CCDC3: variants seen among roughly 807,000 people sequenced by gnomAD.
CCDC3 encodes coiled-coil domain containing 3, also known as coiled-coil domain-containing protein 3.
A neutral mutation model predicts 21.4 loss-of-function variants in CCDC3; 24 were observed. The observed-to-expected ratio is 1.12, with a 90% confidence interval of 0.81 to 1.58. CCDC3 has a LOEUF of 1.58. CCDC3 is among the 40% of genes most tolerant of loss of function. The pLI, the probability that CCDC3 is intolerant of heterozygous loss-of-function variation, is 0.00. For synonymous variants in CCDC3, 186 were observed against 166.0 expected (o/e 1.12, Z -0.93); for missense variants, 425 against 360.9 (o/e 1.18, Z -1.44).
chr10:13,021,808 G>C (rs914740946), intron 5 of CCDC3, among the ~76,000 whole-genome samples: 1 of 152,108 alleles, frequency 6.6e-6, no homozygotes, highest in African/African-American at 2.4e-5. Context: ...CTATTGCCCA[G>C]GCTGGAGTGC....
At chr10:12,910,779 G>T (rs1834260618) in intron 2 of CCDC3, among the ~76,000 whole-genome samples, 1 of 151,810 alleles carries the variant, frequency 6.6e-6, no homozygotes, top group African/African-American at 2.4e-5. Flanking sequence ...ATTTTTAGTA[G>T]AGGCAGGGTT....
chr10:13,045,366 C>T (rs1046227663), intron 5 of CCDC3, among the ~76,000 whole-genome samples: 5 of 152,072 alleles, frequency 3.3e-5, no homozygotes, highest in African/African-American at 1.2e-4. Flanking sequence ...ATTGGCTGGG[C>T]GCGGTGGCTC....
intron 3 of CCDC3, among the ~76,000 whole-genome samples, chr10:13,080,227 G>T (rs1588418469): frequency 6.6e-6 from 1 of 152,042 alleles, no homozygotes; most frequent in Middle Eastern, 3.2e-3. Flanking sequence ...GCGAGCAAAT[G>T]AAAGAGAGAT....
intron 5 of CCDC3, among the ~76,000 whole-genome samples, chr10:13,036,028 C>T (rs1335646231): frequency 1.3e-5 from 2 of 152,112 alleles, no homozygotes; most frequent in Non-Finnish European, 2.9e-5. Context: ...CCTGCAGTCC[C>T]GGCTACTCAG....
At chr10:13,050,660 C>T (rs1338060290) in intron 4 of CCDC3, among the ~76,000 whole-genome samples, 1 of 151,980 alleles carries the variant, frequency 6.6e-6, no homozygotes. Context: ...GGGGTTTCAC[C>T]ATGTTGGCCA....
At chr10:13,051,154 GC>G (rs1169625525) in intron 4 of CCDC3, among the ~76,000 whole-genome samples, 1 of 152,050 alleles carries the variant, frequency 6.6e-6, no homozygotes, top group Non-Finnish European at 1.5e-5. Context: ...TTCAGATTCT[GC>G]CCCCAAAGGA....
At chr10:13,011,681 C>T (rs1835985676) in intron 5 of CCDC3, among the ~76,000 whole-genome samples, 1 of 152,104 alleles carries the variant, frequency 6.6e-6, no homozygotes, top group African/African-American at 2.4e-5. Context: ...ACATTGTTCA[C>T]ATAAGTAGGA....
At chr10:13,016,157 G>A (rs17510431) in intron 5 of CCDC3, among the ~76,000 whole-genome samples, 16,025 of 151,478 alleles carry the variant, frequency 0.11, 1,323 homozygotes, top group Non-Finnish European at 0.17. Flanking sequence ...TTTACCTATG[G>A]TCCAAAGTCA....
rs565371352 is a variant in CCDC3 at position 13,071,103 on chromosome 10, T to G, written c.-270+2765A>C. Among the ~76,000 whole-genome samples, 6 of 151,916 alleles carry G rather than the reference T, an allele frequency of 3.9e-5. No individual in the cohort carries two copies. The South Asian group carries it at 1.3e-3, about 32-fold the overall frequency. On this transcript the variant is annotated intron_variant, in intron 4 of 6. Transcript: ENST00000378839. ...AAATAGGATGCCCACCACCCAGAGG[T>G]TTCCTTTTTGGGAAAGTAAGACAAA...
chr10:12,939,721 G>T (rs1044850343), intron 2 of CCDC3, among the ~76,000 whole-genome samples: 3 of 151,824 alleles, frequency 2.0e-5, no homozygotes, highest in African/African-American at 4.8e-5. Context: ...GGATTATGCA[G>T]AAAAATTGCT....
At chr10:13,036,328 T>C (rs1435214857) in intron 5 of CCDC3, among the ~76,000 whole-genome samples, 1 of 152,138 alleles carries the variant, frequency 6.6e-6, no homozygotes, top group Non-Finnish European at 1.5e-5. Context: ...TTTAAAAAAA[T>C]CCATGCTATA....
intron 4 of CCDC3, among the ~76,000 whole-genome samples, chr10:13,071,674 G>T (rs965056654): frequency 6.6e-6 from 1 of 152,156 alleles, no homozygotes; most frequent in Non-Finnish European, 1.5e-5. Context: ...CAAGGACAGA[G>T]GAAAGAAAGA....
intron 2 of CCDC3, among the ~76,000 whole-genome samples, chr10:12,948,967 G>A (rs1001044347): frequency 6.6e-5 from 10 of 151,984 alleles, no homozygotes; most frequent in East Asian, 3.9e-4. Flanking sequence ...TCCTGACCTC[G>A]TGATCCACCC....
rs572361803 is a variant in CCDC3 at position 12,999,748 on chromosome 10, C to T, written c.375-1236G>A. On this transcript the variant is annotated intron_variant, in intron 1 of 2. Coordinates refer to ENST00000378825, the MANE Select transcript of CCDC3 (RefSeq NM_031455.4). ...TCATGATAAAAATTTCTTTAAAAAGCCTGCTCAAACACTTGGGCTCTTTTT... is the reference window on the plus strand; with the variant it reads ...TCATGATAAAAATTTCTTTAAAAAGTCTGCTCAAACACTTGGGCTCTTTTT... 5.3e-5 allele frequency among the ~76,000 whole-genome samples: 8 copies of T among 152,288 alleles called. No homozygotes were observed. The South Asian group carries it at 1.7e-3, about 32-fold the overall frequency.
intron 2 of CCDC3, among the ~76,000 whole-genome samples, chr10:12,917,585 G>C (rs1834380212): frequency 6.6e-6 from 1 of 152,166 alleles, no homozygotes. Context: ...CATGTAGGGA[G>C]AGTTGTTCAA....
At chr10:12,941,467 C>A (rs1834829978) in intron 2 of CCDC3, among the ~76,000 whole-genome samples, 1 of 152,194 alleles carries the variant, frequency 6.6e-6, no homozygotes. Flanking sequence ...CTCTTGGGGT[C>A]TGGATCAGGA....
intron 4 of CCDC3, among the ~76,000 whole-genome samples, chr10:13,057,215 A>G (rs545918): frequency 0.35 from 53,197 of 151,756 alleles, 9,619 homozygotes; most frequent in African/African-American, 0.4. Context: ...GATTGCTTGA[A>G]CCCAGGAGTT....
At chr10:13,036,372 C>T (rs893077152) in intron 5 of CCDC3, among the ~76,000 whole-genome samples, 2 of 152,146 alleles carry the variant, frequency 1.3e-5, no homozygotes, top group Non-Finnish European at 1.5e-5. Flanking sequence ...CCATACCAAA[C>T]TTTGCAAATA....
chr10:12,982,780 A>T (rs1835519705), intron 2 of CCDC3, among the ~76,000 whole-genome samples: 1 of 119,362 alleles, frequency 8.4e-6, no homozygotes, highest in African/African-American at 3.2e-5. Context: ...GTGACAGAGC[A>T]AGACTCTGTC....
Sources: allele counts gnomAD v4.1 joint callset (sites outside exome capture counted in the v4.1 genomes callset), GRCh38; gene constraint gnomAD v4.1.1; transcripts MANE v1.5; gene names NCBI Gene and HGNC (gene_info 2026-07-23, HGNC 2026-07-21).